The following WWOX variants were observed in gnomAD, a reference collection of about 807,000 sequenced individuals.
The protein encoded by WWOX is WW domain-containing oxidoreductase.
A neutral mutation model predicts 46.2 loss-of-function variants in WWOX; 69 were observed. The observed-to-expected ratio is 1.49, with a 90% CI of 1.23 to 1.82. The LOEUF is 1.82. WWOX is among the 40% of genes most tolerant of loss of function. The pLI, the probability that WWOX is intolerant of heterozygous loss-of-function variation, is 0.00. For synonymous variants in WWOX, 359 were observed against 202.6 expected (o/e 1.77, Z -6.56); for missense variants, 919 against 542.6 (o/e 1.69, Z -6.89).
chr16:79,168,372 G>A (rs773207126), intron 8 of WWOX, among the ~76,000 whole-genome samples: 3 of 152,182 alleles, frequency 2.0e-5, no homozygotes, highest in African/African-American at 4.8e-5. Context: ...TTCTGGATGT[G>A]TTCTAAGGCA....
intron 8 of WWOX, among the ~76,000 whole-genome samples, chr16:78,707,799 C>T (rs1345806312): frequency 6.6e-6 from 1 of 151,608 alleles, no homozygotes; most frequent in Non-Finnish European, 1.5e-5. Context: ...AGGAGAACTG[C>T]ACTCTAGCCT....
intron 8 of WWOX, among the ~76,000 whole-genome samples, chr16:78,782,317 C>G (rs888151873): frequency 1.4e-4 from 21 of 152,280 alleles, no homozygotes; most frequent in African/African-American, 4.6e-4. Context: ...TTCTTGCTCC[C>G]TCTCCATCCT....
rs78791210 is a variant in WWOX at position 78,464,105 on chromosome 16, C to G, written c.1056+31353C>G. Among the ~76,000 whole-genome samples the G allele has an allele frequency of 5.8e-3, 885 of 152,236 alleles. 41 individuals are homozygous for G. In the East Asian group the frequency reaches 0.11, roughly 19 times the overall value. On this transcript the variant is annotated intron_variant, in intron 8 of 8. Coordinates refer to ENST00000566780, the MANE Select transcript of WWOX (RefSeq NM_016373.4). ...AACCGGTCAGGACCTGGGAAGGGCT[C>G]TGACCCATTCATCTGAGAGATGTGG...
intron 8 of WWOX, among the ~76,000 whole-genome samples, chr16:78,498,165 A>G (rs1323832975): frequency 7.1e-6 from 1 of 141,562 alleles, no homozygotes; most frequent in Non-Finnish European, 1.5e-5. Context: ...AGATTGTGCC[A>G]CTGCACTCCA....
At chr16:78,480,660 C>G (rs57544481) in intron 8 of WWOX, among the ~76,000 whole-genome samples, 3,418 of 152,296 alleles carry the variant, frequency 0.022, 113 homozygotes, top group African/African-American at 0.079. Flanking sequence ...TACACAGATG[C>G]ACTGACACAG....
At chr16:78,260,707 G>A (rs1270506729) in intron 5 of WWOX, among the ~76,000 whole-genome samples, 3 of 150,432 alleles carry the variant, frequency 2.0e-5, no homozygotes, top group African/African-American at 7.4e-5. Context: ...GGGAGGCTGA[G>A]GCAGGTGGAT....
chr16:79,174,769 T>A (rs545191535), intron 8 of WWOX, among the ~76,000 whole-genome samples: 1 of 152,306 alleles, frequency 6.6e-6, no homozygotes, highest in South Asian at 2.1e-4. Context: ...CATGGTTAAT[T>A]TTAGAAGCTA....
chr16:78,848,565 G>A (rs1425593640), intron 8 of WWOX, among the ~76,000 whole-genome samples: 1 of 152,166 alleles, frequency 6.6e-6, no homozygotes, highest in Non-Finnish European at 1.5e-5. Flanking sequence ...AAGGGTACGG[G>A]GAACCTGGCC....
At chr16:78,748,065 T>C (rs2049390940) in intron 8 of WWOX, among the ~76,000 whole-genome samples, 1 of 152,176 alleles carries the variant, frequency 6.6e-6, no homozygotes, top group Non-Finnish European at 1.5e-5. Flanking sequence ...AAGTGTCCCC[T>C]GTCTGTTAGT....
chr16:78,941,751 A>G (rs1048925577), intron 8 of WWOX, among the ~76,000 whole-genome samples: 3 of 152,212 alleles, frequency 2.0e-5, no homozygotes, highest in South Asian at 2.1e-4. Context: ...TCGCCTTACA[A>G]TGAAATTATA....
intron 8 of WWOX, chr16:78,691,283 A>G (rs1310705953): frequency 1.0e-5 from 7 of 702,220 alleles, no homozygotes; most frequent in Non-Finnish European, 1.8e-5. Flanking sequence ...TCTGATTGTC[A>G]GTGACTTTGG....
rs548003910 is a variant in WWOX at position 78,757,469 on chromosome 16, A to G, written c.1056+324717A>G. Among the ~76,000 whole-genome samples, 156 of 152,198 alleles carry G rather than the reference A, an allele frequency of 1.0e-3. 1 individual carries two copies. Among genetic ancestry groups the G allele is most frequent in the African/African-American group, 3.7e-3 (155 of 41,536 alleles). ...GTGGTGTGATGTGTTTGCCTGACAA[A>G]TACCATCTAGGACCCTGGCTGCATG... On this transcript the variant is annotated intron_variant, in intron 8 of 8. Transcript: ENST00000566780.
At chr16:78,397,303 A>G (rs969916682) in intron 6 of WWOX, among the ~76,000 whole-genome samples, 1 of 152,164 alleles carries the variant, frequency 6.6e-6, no homozygotes, top group Non-Finnish European at 1.5e-5. Context: ...AATAATTGCT[A>G]ATATTTATCA....
At chr16:78,536,549 C>A (rs1219613296) in intron 8 of WWOX, among the ~76,000 whole-genome samples, 1 of 152,116 alleles carries the variant, frequency 6.6e-6, no homozygotes, top group Non-Finnish European at 1.5e-5. Context: ...TTCGCACCAC[C>A]CTTACATATC....
Position 79,212,065 on chromosome 16 carries a change from G to C in WWOX, c.*269G>C, listed in dbSNP as rs1447005774. 1.0e-5 allele frequency: 16 copies of C among 1,536,354 alleles called. No individual in the cohort carries two copies. Among genetic ancestry groups the C allele is most frequent in the African/African-American group, 1.4e-5 (1 of 73,056 alleles). ...GTTTGAAAGTAAAAACCTGCTTGGT[G>C]TGTAGGTTCCGTATCTCCCTGGAGA... On this transcript the variant is annotated 3_prime_UTR_variant, in exon 9 of 9. Transcript: ENST00000566780.
intron 5 of WWOX, among the ~76,000 whole-genome samples, chr16:78,352,057 A>G (rs529242091): frequency 6.6e-6 from 1 of 152,276 alleles, no homozygotes; most frequent in Admixed American, 6.5e-5. Flanking sequence ...GAGACAGTAG[A>G]GAGTGGTGGA....
intron 8 of WWOX, among the ~76,000 whole-genome samples, chr16:78,584,138 C>G (rs1004912752): frequency 7.2e-5 from 11 of 152,176 alleles, no homozygotes; most frequent in African/African-American, 2.7e-4. Context: ...AGATCTAGGA[C>G]CACGTCTGTC....
intron 8 of WWOX, among the ~76,000 whole-genome samples, chr16:78,608,344 C>A (rs1239004990): frequency 6.6e-6 from 1 of 152,204 alleles, no homozygotes; most frequent in Non-Finnish European, 1.5e-5. Flanking sequence ...TCTTTCAAAG[C>A]CCTTACCATT....
At chr16:78,387,873 A>C (rs190209679) in intron 6 of WWOX, among the ~76,000 whole-genome samples, 2 of 152,304 alleles carry the variant, frequency 1.3e-5, no homozygotes, top group Admixed American at 1.3e-4. Flanking sequence ...AAGAGGCACC[A>C]GAACCACTGA....
Sources: gnomAD v4.1 joint callset for allele counts (sites outside exome capture counted in the v4.1 genomes callset) on GRCh38, gnomAD v4.1.1 for gene constraint, MANE v1.5 for transcripts, NCBI Gene and HGNC (gene_info 2026-07-23, HGNC 2026-07-21) for gene names.